The following LDB2 variants were observed in gnomAD, a reference collection of about 807,000 sequenced individuals.
The protein encoded by LDB2 is LIM domain binding 2.
A neutral mutation model predicts 44.3 loss-of-function variants in LDB2; 12 were observed. That is an observed-to-expected ratio of 0.27 (90% CI 0.17 to 0.44). The LOEUF (loss-of-function observed/expected upper bound fraction) is 0.44. Ranked by LOEUF, LDB2 falls within the 20% of genes least tolerant of loss-of-function variation. The pLI, the probability that LDB2 is intolerant of heterozygous loss-of-function variation, is 1.00. For synonymous variants in LDB2, 164 were observed against 174.8 expected, an observed-to-expected ratio of 0.94 and a Z score of 0.49; for missense variants, 344 against 473.5, an observed-to-expected ratio of 0.73 and a Z score of 2.54.
At chr4:16,543,333 T>C (rs530366704) in intron 5 of LDB2, among the ~76,000 whole-genome samples, 6 of 152,220 alleles carry the variant, frequency 3.9e-5, no homozygotes, top group Admixed American at 2.0e-4. Context: ...TTCTAGATCC[T>C]TGAGGAATTG....
At position 16,738,635 on chromosome 4, in the gene LDB2, A is replaced by G. The variant is rs570526948; in HGVS notation, c.235+20523T>C. 4.6e-5 allele frequency among the ~76,000 whole-genome samples: 7 copies of G among 152,324 alleles called. No homozygotes were observed. In the East Asian group the frequency reaches 9.6e-4, roughly 21 times the overall value. ...AGACACTTTTGCTTTCACATTTTCT[A>G]TGAAGACTCTTAAGGCTACCAGAGG... On this transcript the variant is annotated intron_variant, in intron 2 of 7. Coordinates refer to ENST00000304523, the MANE Select transcript of LDB2 (RefSeq NM_001290.5).
chr4:16,886,254 C>T (rs1044879234), intron 1 of LDB2, among the ~76,000 whole-genome samples: 1 of 151,938 alleles, frequency 6.6e-6, no homozygotes, highest in African/African-American at 2.4e-5. Context: ...AAGCTGATCT[C>T]AAATCATGGT....
chr4:16,704,863 G>A (rs1446590860), intron 2 of LDB2, among the ~76,000 whole-genome samples: 1 of 152,172 alleles, frequency 6.6e-6, no homozygotes, highest in Non-Finnish European at 1.5e-5. Context: ...GAAGGAGGCA[G>A]GTAGAAAATA....
intron 4 of LDB2, 106 bp from the exon 5 acceptor site, chr4:16,586,111 A>T (rs1716698395): frequency 2.4e-6 from 2 of 840,510 alleles, no homozygotes; most frequent in Admixed American, 2.0e-5. Context: ...GACATTGTTG[A>T]TTTTATTTGG....
At chr4:16,898,246 AGT>A in intron 1 of LDB2, 106 bp downstream of exon 1, 1 of 1,059,992 alleles carries the variant, frequency 9.4e-7, no homozygotes, top group Non-Finnish European at 1.4e-6. Context: ...CGTACGTGGT[AGT>A]ATCAAGTGGG....
chr4:16,709,634 G>A (rs552567329), intron 2 of LDB2, among the ~76,000 whole-genome samples: 8 of 152,264 alleles, frequency 5.3e-5, no homozygotes, highest in Admixed American at 4.6e-4. Context: ...TGTTTGATTT[G>A]CACATTGTCT....
chr4:16,505,998 G>A, intron 7 of LDB2: 2 of 1,550,302 alleles, frequency 1.3e-6, no homozygotes, highest in Non-Finnish European at 1.7e-6. Context: ...CATGGAGTGA[G>A]AAGCAGAATC....
intron 2 of LDB2, among the ~76,000 whole-genome samples, chr4:16,681,827 T>C (rs2152568761): frequency 6.6e-6 from 1 of 152,086 alleles, no homozygotes; most frequent in Admixed American, 6.5e-5. Flanking sequence ...CGCCTTGGCC[T>C]CCCAAAGTGC....
At chr4:16,733,874 A>C (rs1249056836) in intron 2 of LDB2, among the ~76,000 whole-genome samples, 1 of 152,188 alleles carries the variant, frequency 6.6e-6, no homozygotes. Flanking sequence ...CTATCATCAC[A>C]TATTGGCTTA....
chr4:16,739,582 AAAAAAAAATATATAT>A (rs1162440401), intron 2 of LDB2, among the ~76,000 whole-genome samples: 3 of 86,152 alleles, frequency 3.5e-5, no homozygotes, highest in African/African-American at 1.5e-4. Context: ...GGAAAAAAAA[AAAAAAAAATATATAT>A]ATATATATAT....
intron 1 of LDB2, among the ~76,000 whole-genome samples, chr4:16,781,733 T>G (rs561660610): frequency 1.3e-4 from 20 of 152,334 alleles, no homozygotes; most frequent in Admixed American, 1.2e-3. Flanking sequence ...CATGTCTGCC[T>G]GGAATCTCGG....
intron 1 of LDB2, among the ~76,000 whole-genome samples, chr4:16,885,496 G>A (rs1384208404): frequency 6.6e-6 from 1 of 152,120 alleles, no homozygotes; most frequent in Non-Finnish European, 1.5e-5. Flanking sequence ...AAGGAAAACA[G>A]GATAACATTA....
intron 1 of LDB2, among the ~76,000 whole-genome samples, chr4:16,859,318 A>C (rs1711659263): frequency 6.6e-6 from 1 of 152,232 alleles, no homozygotes; most frequent in African/African-American, 2.4e-5. Context: ...GAATATACAG[A>C]GCTAGGCCCC....
intron 1 of LDB2, among the ~76,000 whole-genome samples, chr4:16,831,494 G>A (rs1241181027): frequency 6.6e-6 from 1 of 152,136 alleles, no homozygotes; most frequent in Non-Finnish European, 1.5e-5. Context: ...GGTGGTTGTT[G>A]CAACCATCCT....
chr4:16,607,425 C>G (rs1027431534), intron 2 of LDB2, among the ~76,000 whole-genome samples: 1 of 152,206 alleles, frequency 6.6e-6, no homozygotes, highest in African/African-American at 2.4e-5. Flanking sequence ...TGTTCATAAA[C>G]TTGAGCACTG....
intron 2 of LDB2, among the ~76,000 whole-genome samples, chr4:16,696,597 C>A (rs1752182897): frequency 6.6e-6 from 1 of 152,126 alleles, no homozygotes; most frequent in Non-Finnish European, 1.5e-5. Flanking sequence ...GACAACAGAA[C>A]CCTGTCAGCA....
chr4:16,573,915 AC>A, intron 5 of LDB2, among the ~76,000 whole-genome samples: 1 of 152,242 alleles, frequency 6.6e-6, no homozygotes, highest in South Asian at 2.1e-4. Flanking sequence ...CAAGGGAAGT[AC>A]CCTGGCTGGG....
At chr4:16,514,853 T>C (rs759539727) in intron 5 of LDB2, among the ~76,000 whole-genome samples, 5 of 152,222 alleles carry the variant, frequency 3.3e-5, no homozygotes, top group Admixed American at 6.5e-5. Context: ...AAGATTACTA[T>C]AGAGTTAACT....
At chr4:16,862,423 C>A (rs564544434) in intron 1 of LDB2, among the ~76,000 whole-genome samples, 4 of 151,624 alleles carry the variant, frequency 2.6e-5, no homozygotes, top group Admixed American at 6.6e-5. Flanking sequence ...CACCTGTGGT[C>A]GGGAGTTCAA....
Sources: gnomAD v4.1 joint callset for allele counts (sites outside exome capture counted in the v4.1 genomes callset) on GRCh38, gnomAD v4.1.1 for gene constraint, MANE v1.5 for transcripts, NCBI Gene and HGNC (gene_info 2026-07-23, HGNC 2026-07-21) for gene names.